The following LRRC4C variants were observed in gnomAD, a reference collection of about 807,000 sequenced individuals.
The protein encoded by LRRC4C is leucine-rich repeat-containing protein 4C.
In LRRC4C, 5 loss-of-function variants were observed where a neutral mutation model predicts 33.6. The ratio of observed to expected loss-of-function variants is 0.15; its 90% CI spans 0.08 to 0.31. LRRC4C has a LOEUF of 0.31. Among genes scored for constraint, LRRC4C ranks in the 10% least tolerant of loss-of-function variants. LRRC4C has a pLI of 1.00. For missense variants in LRRC4C, 560 were observed against 796.7 expected (o/e 0.70, Z 3.58); for synonymous variants, 329 against 302.0 (o/e 1.09, Z -0.93).
intron 3 of LRRC4C, among the ~76,000 whole-genome samples, chr11:40,596,461 A>AATTCT (rs71308391): frequency 0.23 from 35,149 of 151,216 alleles, 4,377 homozygotes; most frequent in East Asian, 0.5. Context: ...GGAAATTTCT[A>AATTCT]ATTCTATTCT....
At chr11:41,360,131 G>A (rs566364167) in intron 1 of LRRC4C, among the ~76,000 whole-genome samples, 26 of 152,150 alleles carry the variant, frequency 1.7e-4, no homozygotes, top group Admixed American at 9.2e-4. Flanking sequence ...GGCAGTGAGC[G>A]GAGATCGCGC....
intron 1 of LRRC4C, among the ~76,000 whole-genome samples, chr11:41,453,429 G>C (rs1251329642): frequency 1.3e-5 from 2 of 152,026 alleles, no homozygotes; most frequent in Non-Finnish European, 2.9e-5. Flanking sequence ...TGATAGAGTC[G>C]GCCCTATTAT....
At chr11:41,129,260 G>T (rs900438551) in intron 1 of LRRC4C, among the ~76,000 whole-genome samples, 9 of 151,906 alleles carry the variant, frequency 5.9e-5, no homozygotes, top group African/African-American at 2.2e-4. Context: ...CGTACCAACT[G>T]CGAAGTGCAT....
intron 1 of LRRC4C, among the ~76,000 whole-genome samples, chr11:41,179,957 G>A (rs77742178): frequency 0.016 from 2,365 of 152,244 alleles, 63 homozygotes; most frequent in African/African-American, 0.054. Flanking sequence ...TATGGTAAGA[G>A]CCATATAGTA....
intron 3 of LRRC4C, among the ~76,000 whole-genome samples, chr11:40,455,926 T>C (rs896174955): frequency 1.3e-5 from 2 of 152,138 alleles, no homozygotes; most frequent in African/African-American, 4.8e-5. Context: ...AAAGTGGCAT[T>C]GAGATTGATA....
At chr11:41,296,523 C>A (rs552623478) in intron 1 of LRRC4C, among the ~76,000 whole-genome samples, 2 of 151,980 alleles carry the variant, frequency 1.3e-5, no homozygotes, top group African/African-American at 4.8e-5. Context: ...CCATGTTGAC[C>A]GGACCGGTCT....
At chr11:40,770,386 C>A (rs1214718762) in intron 2 of LRRC4C, among the ~76,000 whole-genome samples, 3 of 152,124 alleles carry the variant, frequency 2.0e-5, no homozygotes, top group Non-Finnish European at 4.4e-5. Flanking sequence ...AGAATCACCA[C>A]CCACAAGGTC....
Position 41,382,928 on chromosome 11 carries a change from G to C in LRRC4C, c.-496+76503C>G, listed in dbSNP as rs566733829. On this transcript the variant is annotated intron_variant, in intron 1 of 6. Coordinates refer to ENST00000528697, the MANE Select transcript of LRRC4C (RefSeq NM_001258419.2). ...AGAGTCATACATATTCAGCAGATTT[G>C]GTGAAAAAGCTAAACATACTTATGA... Among the ~76,000 whole-genome samples, 3 of 151,998 alleles carry C rather than the reference G, an allele frequency of 2.0e-5. No homozygotes were observed. The South Asian group carries it at 6.2e-4, about 31-fold the overall frequency.
chr11:40,382,234 G>A (rs1165028747), intron 3 of LRRC4C, among the ~76,000 whole-genome samples: 2 of 149,386 alleles, frequency 1.3e-5, no homozygotes, highest in African/African-American at 4.9e-5. Flanking sequence ...CACCCGCCTG[G>A]GCCTCCCAAA....
chr11:41,443,633 T>C (rs1275667346), intron 1 of LRRC4C, among the ~76,000 whole-genome samples: 2 of 152,082 alleles, frequency 1.3e-5, no homozygotes, highest in Non-Finnish European at 2.9e-5. Context: ...CTCCTTTTTT[T>C]CTTCTGAGTT....
intron 3 of LRRC4C, among the ~76,000 whole-genome samples, chr11:40,525,720 CA>C (rs1956018871): frequency 6.8e-6 from 1 of 148,054 alleles, no homozygotes; most frequent in Middle Eastern, 3.2e-3. Flanking sequence ...AAAACTTCAG[CA>C]ACTTTTTTTT....
chr11:40,738,642 G>C (rs1188139236), intron 2 of LRRC4C, among the ~76,000 whole-genome samples: 2 of 152,012 alleles, frequency 1.3e-5, no homozygotes, highest in Non-Finnish European at 2.9e-5. Flanking sequence ...CAAAACTTTA[G>C]CTCTCCCCAA....
At chr11:41,003,695 C>T (rs927161086) in intron 1 of LRRC4C, among the ~76,000 whole-genome samples, 1 of 151,496 alleles carries the variant, frequency 6.6e-6, no homozygotes, top group African/African-American at 2.4e-5. Context: ...AGAGAAGAGA[C>T]ATCATGAGGT....
At chr11:41,178,527 T>A in intron 1 of LRRC4C, among the ~76,000 whole-genome samples, 1 of 151,914 alleles carries the variant, frequency 6.6e-6, no homozygotes, top group East Asian at 1.9e-4. Context: ...CAAATTTTTG[T>A]ACTTTTTTTT....
At chr11:40,884,073 C>T (rs1955315451) in intron 2 of LRRC4C, among the ~76,000 whole-genome samples, 1 of 152,026 alleles carries the variant, frequency 6.6e-6, no homozygotes, top group African/African-American at 2.4e-5. Flanking sequence ...TTTCCCCCTA[C>T]CCCGTGACAG....
chr11:40,517,143 C>T (rs1955592951), intron 3 of LRRC4C, among the ~76,000 whole-genome samples: 1 of 152,122 alleles, frequency 6.6e-6, no homozygotes, highest in South Asian at 2.1e-4. Flanking sequence ...ATGCCTCTCT[C>T]AGAGGCACAA....
rs180693749 is a variant in LRRC4C, at chr11:41,413,741, G to A, written c.-496+45690C>T. ...TAAGGCACAATTGCCCCTGAAATTT[G>A]TGAAAAAGTCAAAAAGCAAAAATTG... On this transcript the variant is annotated intron_variant, in intron 1 of 6. Coordinates refer to ENST00000528697, the MANE Select transcript of LRRC4C (RefSeq NM_001258419.2). Among the ~76,000 whole-genome samples the A allele has an allele frequency of 2.0e-3, 299 of 152,238 alleles. 2 individuals are homozygous for A. The highest frequency in any genetic ancestry group is 6.8e-3 in the African/African-American group (282 of 41,562).
intron 5 of LRRC4C, among the ~76,000 whole-genome samples, chr11:40,224,917 CCAAA>C (rs1343920539): frequency 2.6e-5 from 4 of 152,192 alleles, no homozygotes; most frequent in South Asian, 4.2e-4. Context: ...AGAAATCTAC[CCAAA>C]CAATGTTAAA....
intron 1 of LRRC4C, among the ~76,000 whole-genome samples, chr11:41,412,338 TG>T (rs1954519947): frequency 6.6e-6 from 1 of 152,204 alleles, no homozygotes; most frequent in Admixed American, 6.5e-5. Context: ...GATTAGGTGA[TG>T]TTTTTATGAG....
Sources: gnomAD v4.1 joint callset for allele counts (sites outside exome capture counted in the v4.1 genomes callset) on GRCh38, gnomAD v4.1.1 for gene constraint, MANE v1.5 for transcripts, NCBI Gene and HGNC (gene_info 2026-07-23, HGNC 2026-07-21) for gene names.